Variants in LRP1B observed in about 807,000 individuals in gnomAD.
LRP1B encodes LDL receptor related protein 1B.
A neutral mutation model predicts 556.6 loss-of-function variants in LRP1B; 217 were observed. The ratio of observed to expected loss-of-function variants is 0.39; its 90% CI spans 0.35 to 0.44. The LOEUF (loss-of-function observed/expected upper bound fraction) is 0.44. Among genes scored for constraint, LRP1B ranks in the 20% least tolerant of loss-of-function variants. The pLI is 1.00. For missense variants in LRP1B, 5,053 were observed against 5,620.8 expected (o/e 0.90, Z 3.23); for synonymous variants, 2,047 against 1,865.8 (o/e 1.10, Z -2.50).
chr2:141,737,833 A>T (rs1329074999), intron 2 of LRP1B, among the ~76,000 whole-genome samples: 1 of 152,106 alleles, frequency 6.6e-6, no homozygotes, highest in South Asian at 2.1e-4. Flanking sequence ...TTTCACTAAG[A>T]CTTCTTAGTA....
intron 72 of LRP1B, among the ~76,000 whole-genome samples, chr2:140,363,933 A>G (rs1056430604): frequency 1.3e-5 from 2 of 151,644 alleles, no homozygotes; most frequent in African/African-American, 4.8e-5. Flanking sequence ...GCGAAACTGC[A>G]TTTCTTGCAG....
At position 140,850,143 on chromosome 2, in the gene LRP1B, G is replaced by A. The variant is rs376573282; in HGVS notation, c.4898C>T (p.Ala1633Val). ...TTCTAACCCAGTTCCGTTAATAAAAGCTCGTTTAATGGTTTGTGTTTTAAT... is the reference window on the plus strand; with the variant it reads ...TTCTAACCCAGTTCCGTTAATAAAAACTCGTTTAATGGTTTGTGTTTTAAT... ...TDIKTQTIKR[A>V]FINGTGLETV... Residue 1633 changes from alanine to valine, a missense_variant, in exon 29 of 91, where the codon GCT (alanine) becomes GTT (valine). Ala to Val is a moderately conservative substitution (Grantham distance 64, BLOSUM62 0). This residue lies in a region of LRP1B where 3,619 missense variants were observed against 3,931.9 expected (regional missense o/e 0.92). Coordinates refer to ENST00000389484, the MANE Select transcript of LRP1B (RefSeq NM_018557.3). 1 of 1,613,334 alleles carries A rather than the reference G, an allele frequency of 6.2e-7. No homozygotes were observed. Among genetic ancestry groups the A allele is most frequent in the East Asian group, 2.2e-5 (1 of 44,780 alleles).
chr2:140,449,491 T>TA (rs1173962894), intron 63 of LRP1B, among the ~76,000 whole-genome samples: 3 of 152,094 alleles, frequency 2.0e-5, no homozygotes, highest in African/African-American at 7.2e-5. Flanking sequence ...AAACTATATT[T>TA]AAAAAATCAA....
intron 41 of LRP1B, among the ~76,000 whole-genome samples, chr2:140,604,295 G>A (rs1429449587): frequency 6.6e-6 from 1 of 151,512 alleles, no homozygotes; most frequent in African/African-American, 2.4e-5. Context: ...GATTGGCTAA[G>A]CATGAGTCAG....
At chr2:140,275,639 G>A (rs961405406) in intron 84 of LRP1B, among the ~76,000 whole-genome samples, 6 of 151,972 alleles carry the variant, frequency 3.9e-5, no homozygotes, top group Non-Finnish European at 8.8e-5. Context: ...GGAACTCGGA[G>A]AGGAAAGCAA....
In LRP1B at chr2:140,541,850, G is replaced by C. The variant is rs776635165; in HGVS notation, c.7316C>G (p.Thr2439Arg). The change falls in exon 44 of 91, where the codon ACA (threonine) becomes AGA (arginine). Residue 2439 changes from threonine (T) to arginine (R), a missense_variant. By Grantham distance (71) the Thr-to-Arg change is moderately conservative. Coordinates refer to ENST00000389484, the MANE Select transcript of LRP1B (RefSeq NM_018557.3). Reference protein sequence around the residue: ...LRSNKYTGGDTKILRSDIPHQ... With the variant: ...LRSNKYTGGDRKILRSDIPHQ... ...TGGAATATCGGAACGAAGAATTTTT[G>C]TATCTCCTCCTGTGTACTTGTTGGA... 4 of 1,612,568 alleles carry C rather than the reference G, an allele frequency of 2.5e-6. No homozygotes were observed. Among genetic ancestry groups the C allele is most frequent in the South Asian group, 2.2e-5 (2 of 90,992 alleles).
At chr2:141,117,760 C>A in intron 7 of LRP1B, among the ~76,000 whole-genome samples, 2 of 152,106 alleles carry the variant, frequency 1.3e-5, no homozygotes, top group Middle Eastern at 6.8e-3. Flanking sequence ...TTAACCAAAT[C>A]CTTCAAATCA....
At chr2:140,981,292 AT>A (rs1696762339) in intron 18 of LRP1B, among the ~76,000 whole-genome samples, 1 of 151,736 alleles carries the variant, frequency 6.6e-6, no homozygotes, top group Non-Finnish European at 1.5e-5. Flanking sequence ...AAAAAAACCT[AT>A]TTTTCTACTA....
intron 7 of LRP1B, among the ~76,000 whole-genome samples, chr2:141,073,196 C>T (rs1699692732): frequency 6.6e-6 from 1 of 152,100 alleles, no homozygotes; most frequent in South Asian, 2.1e-4. Context: ...ACGCACACTT[C>T]CTGACACAAT....
intron 66 of LRP1B, among the ~76,000 whole-genome samples, chr2:140,432,883 G>C (rs1686014056): frequency 6.6e-6 from 1 of 152,102 alleles, no homozygotes; most frequent in African/African-American, 2.4e-5. Flanking sequence ...CTTTTTTGTA[G>C]TTGGGATTCA....
intron 3 of LRP1B, among the ~76,000 whole-genome samples, chr2:141,303,573 A>C (rs185367085): frequency 2.0e-4 from 30 of 152,316 alleles, no homozygotes; most frequent in African/African-American, 7.0e-4. Flanking sequence ...TTTACTTAAC[A>C]TAATGATCTC....
intron 3 of LRP1B, among the ~76,000 whole-genome samples, chr2:141,272,679 T>C (rs985867192): frequency 6.6e-6 from 1 of 151,992 alleles, no homozygotes; most frequent in Non-Finnish European, 1.5e-5. Context: ...ATATAATTAT[T>C]TGACAAAACA....
chr2:140,427,096 T>C lies in LRP1B; in HGVS notation c.10414+15408A>G, dbSNP rs1685692476. On this transcript the variant is annotated intron_variant, in intron 66 of 90. Transcript: ENST00000389484. Reference sequence around the variant, plus strand: ...TTCTCGTAGAGACAAAGGAGACACATTTTATCCGTGGACCCAAAACTCCGG... The same window carrying C: ...TTCTCGTAGAGACAAAGGAGACACACTTTATCCGTGGACCCAAAACTCCGG... Among the ~76,000 whole-genome samples, 3 of 152,162 alleles carry C rather than the reference T, an allele frequency of 2.0e-5. No homozygotes were observed. The South Asian group carries it at 6.2e-4, about 32-fold the overall frequency.
chr2:141,545,187 CCACAG>C (rs1443013606), intron 2 of LRP1B, among the ~76,000 whole-genome samples: 22 of 152,174 alleles, frequency 1.4e-4, no homozygotes, highest in African/African-American at 5.3e-4. Flanking sequence ...CCTTCTTCAA[CCACAG>C]TGATTAGAAA....
chr2:141,862,503 A>G (rs963595618), intron 1 of LRP1B, among the ~76,000 whole-genome samples: 7 of 152,106 alleles, frequency 4.6e-5, no homozygotes, highest in African/African-American at 1.7e-4. Flanking sequence ...TCCGCCTCCC[A>G]GTTCAAGCAA....
At chr2:141,254,464 A>C in intron 4 of LRP1B, 58 bp downstream of exon 4, 1 of 1,564,524 alleles carries the variant, frequency 6.4e-7, no homozygotes, top group East Asian at 2.3e-5. Flanking sequence ...GTCTGCTTAC[A>C]TTTCTGTTAA....
At chr2:141,099,434 T>A (rs1052096297) in intron 7 of LRP1B, among the ~76,000 whole-genome samples, 1 of 151,996 alleles carries the variant, frequency 6.6e-6, no homozygotes, top group African/African-American at 2.4e-5. Context: ...ATATCTCAAC[T>A]CCCAAAGCAC....
chr2:141,008,278 A>AT (rs202078365), intron 14 of LRP1B, among the ~76,000 whole-genome samples: 7 of 151,480 alleles, frequency 4.6e-5, no homozygotes, highest in East Asian at 1.9e-4. Flanking sequence ...ATTTTATTCA[A>AT]TTTTTTTAAA....
At chr2:141,315,205 TAA>T (rs113427347) in intron 3 of LRP1B, among the ~76,000 whole-genome samples, 22,849 of 145,994 alleles carry the variant, frequency 0.16, 1,856 homozygotes, top group South Asian at 0.26. Context: ...ATGAACATAA[TAA>T]AGTCTACCAA....
Sources: allele counts gnomAD v4.1 joint callset (sites outside exome capture counted in the v4.1 genomes callset), GRCh38; gene constraint gnomAD v4.1.1; regional missense constraint gnomAD v4.1.1; transcripts MANE v1.5; gene names NCBI Gene and HGNC (gene_info 2026-07-23, HGNC 2026-07-21).